ZNF214: variants seen among roughly 807,000 people sequenced by gnomAD.
ZNF214 encodes zinc finger protein 214.
Under a neutral mutation model 53.9 loss-of-function variants are expected in ZNF214, and 43 were observed. The ratio of observed to expected loss-of-function variants is 0.80; its 90% CI spans 0.63 to 1.03. The LOEUF (loss-of-function observed/expected upper bound fraction) is 1.03. ZNF214 is among the 50% of genes least tolerant of loss of function. The pLI, the probability that ZNF214 is intolerant of heterozygous loss-of-function variation, is 0.00. For synonymous variants in ZNF214, 217 were observed against 229.5 expected, an observed-to-expected ratio of 0.95 and a Z score of 0.49; for missense variants, 724 against 719.1, an observed-to-expected ratio of 1.01 and a Z score of -0.08.
In ZNF214 at chr11:7,000,956, C is replaced by T. The variant is rs1281876243; in HGVS notation, c.727G>A (p.Gly243Arg). 1.2e-6 allele frequency: 2 copies of T among 1,612,954 alleles called. No individual in the cohort carries two copies. Among genetic ancestry groups the T allele is most frequent in the Non-Finnish European group, 1.7e-6 (2 of 1,179,540 alleles). Residue 243 changes from glycine to arginine, a missense_variant, in exon 3 of 3, where the codon GGA (glycine) becomes AGA (arginine). Coordinates refer to ENST00000278314, the MANE Select transcript of ZNF214 (RefSeq NM_013249.4). ...RCVFHKRNQPGENLCQCSICK... is the reference protein window; with the variant it reads ...RCVFHKRNQPRENLCQCSICK... ...ATGGAGCATTGACAGAGGTTTTCTC[C>T]AGGTTGATTTCTCTTGTGGAAAACA...
intron 1 of ZNF214, among the ~76,000 whole-genome samples, chr11:7,012,622 T>C (rs1278257174): frequency 6.6e-6 from 1 of 152,092 alleles, no homozygotes; most frequent in Non-Finnish European, 1.5e-5. Context: ...AAATAGCAAC[T>C]ACAACCTTTA....
In ZNF214 at chr11:7,001,453, A is replaced by T. The variant is rs775713624; in HGVS notation, c.230T>A (p.Met77Lys). Residue 77 changes from methionine to lysine, a missense_variant, in exon 3 of 3, where the codon ATG becomes AAG. Physicochemically the swap from Met to Lys is moderately conservative, Grantham distance 95. Transcript: ENST00000278314. ...WQGWWNAGAQMYENQNYGETV... is the reference protein window; with the variant it reads ...WQGWWNAGAQKYENQNYGETV... ...TTCCCCATAGTTCTGATTCTCATACATCTGGGCGCCAGCATTCCACCAGCC... is the reference window on the plus strand; with the variant it reads ...TTCCCCATAGTTCTGATTCTCATACTTCTGGGCGCCAGCATTCCACCAGCC... The T allele has an allele frequency of 1.9e-6, 3 of 1,613,158 alleles. No homozygotes were observed. Among genetic ancestry groups the T allele is most frequent in the Middle Eastern group, 3.3e-4 (2 of 6,056 alleles).
intron 1 of ZNF214, among the ~76,000 whole-genome samples, chr11:7,008,353 A>C (rs914431663): frequency 1.3e-5 from 2 of 152,148 alleles, no homozygotes; most frequent in Admixed American, 1.3e-4. Flanking sequence ...GGAGCAATTG[A>C]GCCTGGGAGG....
intron 1 of ZNF214, among the ~76,000 whole-genome samples, chr11:7,018,495 C>CTTTTTTTTTTTTTTTTTTTTT (rs55641448): frequency 3.2e-5 from 2 of 61,876 alleles, no homozygotes; most frequent in Non-Finnish European, 5.8e-5. Context: ...AATGTTAAGA[C>CTTTTTTTTTTTTTTTTTTTTT]TTTTTTTTTT....
intron 1 of ZNF214, among the ~76,000 whole-genome samples, chr11:7,011,801 T>C (rs1851612141): frequency 6.6e-6 from 1 of 151,988 alleles, no homozygotes; most frequent in African/African-American, 2.4e-5. Flanking sequence ...TCAGCAAAAC[T>C]ATCAGATACA....
rs953439927 is a variant in ZNF214, at chr11:7,001,670, A to C, written c.128-115T>G. On this transcript the variant is annotated intron_variant, in intron 2 of 2. Transcript: ENST00000278314. Reference sequence around the variant, plus strand: ...GAATATATGTGTGGCTGGGGGTAGGAAAGAAGGGTTATGACTCTGCCTGCT... The same window carrying C: ...GAATATATGTGTGGCTGGGGGTAGGCAAGAAGGGTTATGACTCTGCCTGCT... 4 of 1,245,308 alleles carry C rather than the reference A, an allele frequency of 3.2e-6. No individual in the cohort carries two copies. In the African/African-American group the frequency reaches 6.0e-5, roughly 19 times the overall value. The allele number at this position is 1,245,308 out of a possible 1,614,324, so 77.1% of individuals were successfully genotyped here. A position where few individuals can be genotyped will look rare whatever the true frequency, so the allele number is the denominator to read the frequency against.
In ZNF214 at chr11:7,000,910, TGA is replaced by T. The variant is rs767319213; in HGVS notation, c.771_772del (p.Gln258GlufsTer6). ...TGGATGTCTATACAAGTCTGATCTC[TGA>T]GAGAAGCATGCTTTACAGATGGAGC... is the stretch of plus-strand genomic sequence containing the variant. On this transcript the variant is annotated frameshift_variant, in exon 3 of 3. Transcript: ENST00000278314. LOFTEE classifies it high-confidence loss of function. 1 of 1,613,258 alleles carries T rather than the reference TGA, an allele frequency of 6.2e-7. No homozygotes were observed. The highest frequency in any genetic ancestry group is 8.5e-7 in the Non-Finnish European group (1 of 1,179,586).
In ZNF214 at chr11:7,002,775, C is replaced by A; in HGVS notation, c.61G>T (p.Asp21Tyr). Residue 21 changes from aspartate to tyrosine, a missense_variant, in exon 2 of 3, where the codon GAT (aspartate) becomes TAT (tyrosine). Physicochemically the swap from Asp to Tyr is radical, Grantham distance 160. Coordinates refer to ENST00000278314, the MANE Select transcript of ZNF214 (RefSeq NM_013249.4). ...IFTWEEWKFL[D>Y]SSQKRLYREV... ...CTGTAGAGTCTTTTTTGAGAAGAAT[C>A]CAGGAATTTCCACTCCTCCCATGTA... 2 of 1,609,606 alleles carry A rather than the reference C, an allele frequency of 1.2e-6. No homozygotes were observed. Among genetic ancestry groups the A allele is most frequent in the Non-Finnish European group, 1.7e-6 (2 of 1,177,928 alleles).
At chr11:7,005,360 G>A (rs11041131) in intron 1 of ZNF214, among the ~76,000 whole-genome samples, 38,790 of 151,740 alleles carry the variant, frequency 0.26, 5,298 homozygotes, top group Admixed American at 0.31. Flanking sequence ...AAACAGAAAA[G>A]AAGAAAAGAA....
chr11:7,016,804 A>T (rs892242476), intron 1 of ZNF214, among the ~76,000 whole-genome samples: 27 of 152,318 alleles, frequency 1.8e-4, no homozygotes, highest in African/African-American at 4.1e-4. Flanking sequence ...TTCTTGATAG[A>T]TTTAAAAATT....
intron 1 of ZNF214, among the ~76,000 whole-genome samples, chr11:7,004,852 CCTTGAGACAG>C: frequency 6.6e-6 from 1 of 152,156 alleles, no homozygotes; most frequent in South Asian, 2.1e-4. Context: ...TCATGAGACA[CCTTGAGACAG>C]CTTAGCTTCT....
chr11:7,017,608 G>A (rs1348535639), intron 1 of ZNF214, among the ~76,000 whole-genome samples: 2 of 151,916 alleles, frequency 1.3e-5, no homozygotes, highest in Admixed American at 6.6e-5. Context: ...GCATGGTGGC[G>A]TGCACCTGTA....
rs142875876 is a variant in ZNF214, at chr11:7,003,472, G to A, written c.-20-617C>T. On this transcript the variant is annotated intron_variant, in intron 1 of 2. Transcript: ENST00000278314. Reference sequence around the variant, plus strand: ...ATTGAATGTTTATTGTATGAATAGGGCTATGTTATCTCATTTACTCTCAGA... The same window carrying A: ...ATTGAATGTTTATTGTATGAATAGGACTATGTTATCTCATTTACTCTCAGA... Among the ~76,000 whole-genome samples, 1,208 of 151,908 alleles carry A rather than the reference G, an allele frequency of 8.0e-3. 13 individuals carry two copies. Among genetic ancestry groups the A allele is most frequent in the African/African-American group, 0.027 (1,127 of 41,496 alleles).
chr11:6,997,335 C>A lies in ZNF214; in HGVS notation c.*2527G>T, dbSNP rs188547667. ...CATTTAAGCAATATCACATTTTCAT[C>A]TGTTATAGCACATAATTAGAAATTT... On this transcript the variant is annotated 3_prime_UTR_variant, in exon 3 of 3. Transcript: ENST00000278314. Among the ~76,000 whole-genome samples, 288 of 151,900 alleles carry A rather than the reference C, an allele frequency of 1.9e-3. 1 individual carries two copies. Among genetic ancestry groups the A allele is most frequent in the Non-Finnish European group, 3.5e-3 (237 of 67,838 alleles).
intron 1 of ZNF214, among the ~76,000 whole-genome samples, chr11:7,003,599 G>A (rs1167180568): frequency 6.6e-6 from 1 of 151,932 alleles, no homozygotes; most frequent in Non-Finnish European, 1.5e-5. Flanking sequence ...CATCATAGAG[G>A]TTTTTAAACC....
At chr11:7,002,927 C>A in intron 1 of ZNF214, 72 bp from the exon 2 acceptor site, 16 of 1,392,658 alleles carry the variant, frequency 1.1e-5, no homozygotes, top group South Asian at 1.1e-4. Flanking sequence ...ATGTGGCAAG[C>A]CGAATAGAAA....
Position 6,999,739 on chromosome 11 carries a change from G to A in ZNF214, c.*123C>T. On this transcript the variant is annotated 3_prime_UTR_variant, in exon 3 of 3. Transcript: ENST00000278314. Reference sequence around the variant, plus strand: ...GCAAATAATTCTTAGTGGGAGATAGGGGAAACTATAAATGTTGCTTGGGAT... The same window carrying A: ...GCAAATAATTCTTAGTGGGAGATAGAGGAAACTATAAATGTTGCTTGGGAT... 9.3e-7 allele frequency: 1 copy of A among 1,074,080 alleles called. No individual in the cohort carries two copies. Among genetic ancestry groups the A allele is most frequent in the East Asian group, 2.5e-5 (1 of 40,306 alleles). 66.5% of individuals were successfully genotyped at this position (1,074,080 alleles called of 1,614,324 possible).
At chr11:7,002,068 C>A (rs1178049712) in intron 2 of ZNF214, among the ~76,000 whole-genome samples, 4 of 151,960 alleles carry the variant, frequency 2.6e-5, no homozygotes, top group African/African-American at 9.7e-5. Flanking sequence ...GCGTTGGTAA[C>A]TGGGAAAATA....
chr11:7,001,585 G>A (rs1348446525), intron 2 of ZNF214, 30 bp from the exon 3 acceptor site: 1 of 1,555,670 alleles, frequency 6.4e-7, no homozygotes, highest in Non-Finnish European at 8.6e-7. Context: ...ATCCCATGGT[G>A]AGATAAAAGC....
Sources: allele counts gnomAD v4.1 joint callset (sites outside exome capture counted in the v4.1 genomes callset), GRCh38; gene constraint gnomAD v4.1.1; transcripts MANE v1.5; gene names NCBI Gene and HGNC (gene_info 2026-07-23, HGNC 2026-07-21).